The following AOPEP variants were observed in gnomAD, a reference collection of about 807,000 sequenced individuals.
The protein encoded by AOPEP is aminopeptidase O.
A neutral mutation model predicts 98.1 loss-of-function variants in AOPEP; 77 were observed. The ratio of observed to expected loss-of-function variants is 0.78; its 90% CI spans 0.65 to 0.95. The LOEUF (loss-of-function observed/expected upper bound fraction) is 0.95, where lower values mean the gene tolerates loss of function less well. AOPEP is among the 40% of genes least tolerant of loss of function. The probability of loss-of-function intolerance (pLI) is 0.00; values close to 1 mark genes in which losing one functional copy is unlikely to be tolerated. For synonymous variants in AOPEP, 346 were observed against 365.3 expected, an observed-to-expected ratio of 0.95 and a Z score of 0.60; for missense variants, 1,024 against 1,024.7, an observed-to-expected ratio of 1.00 and a Z score of 0.01.
At chr9:94,772,563 A>T (rs1841128631) in intron 2 of AOPEP, among the ~76,000 whole-genome samples, 1 of 152,064 alleles carries the variant, frequency 6.6e-6, no homozygotes, top group Admixed American at 6.6e-5. Flanking sequence ...TGGATTTGAG[A>T]CCACCAGCTT....
chr9:94,762,765 C>T (rs1303850721), intron 2 of AOPEP, among the ~76,000 whole-genome samples: 1 of 152,152 alleles, frequency 6.6e-6, no homozygotes, highest in South Asian at 2.1e-4. Context: ...TCTCTCAACT[C>T]TCCCTTGCGC....
At position 94,764,416 on chromosome 9, in the gene AOPEP, G is replaced by A. The variant is rs143450686; in HGVS notation, c.797+3836G>A. ...AATCCTAGCACTTTGGGAGGCCGAG[G>A]TGGGCAGATCACTTGAGGCCAGGAG... On this transcript the variant is annotated intron_variant, in intron 2 of 16. Coordinates refer to ENST00000375315, the MANE Select transcript of AOPEP (RefSeq NM_001193329.3). Among the ~76,000 whole-genome samples the A allele has an allele frequency of 7.4e-3, 1,123 of 152,330 alleles. 14 individuals are homozygous for A. The highest frequency in any genetic ancestry group is 0.026 in the African/African-American group (1,083 of 41,562).
At chr9:95,043,277 T>TATGTACAGATACATCTGTATATGCAC (rs2065522341) in intron 13 of AOPEP, among the ~76,000 whole-genome samples, 3 of 150,722 alleles carry the variant, frequency 2.0e-5, no homozygotes, top group African/African-American at 4.8e-5. Context: ...TATCTGTATA[T>TATGTACAGATACATCTGTATATGCAC]ATGTACAGAT....
rs1432471376 is a variant in AOPEP at position 94,963,471 on chromosome 9, T to C, written c.1873-4287T>C. ...ATTGGCATATAGATTATTAGGACAGTAGGAAATGAAAAAAAAATTCTAAAG... is the reference window on the plus strand; with the variant it reads ...ATTGGCATATAGATTATTAGGACAGCAGGAAATGAAAAAAAAATTCTAAAG... On this transcript the variant is annotated intron_variant, in intron 9 of 16. Coordinates refer to ENST00000375315, the MANE Select transcript of AOPEP (RefSeq NM_001193329.3). Among the ~76,000 whole-genome samples the C allele has an allele frequency of 2.6e-5, 4 of 152,126 alleles. No homozygotes were observed. The South Asian group carries it at 8.3e-4, about 32-fold the overall frequency.
intron 5 of AOPEP, among the ~76,000 whole-genome samples, chr9:94,922,800 T>C (rs938650252): frequency 6.6e-6 from 1 of 152,228 alleles, no homozygotes; most frequent in Non-Finnish European, 1.5e-5. Flanking sequence ...TGCCCTGTTA[T>C]TACTTCACAT....
In AOPEP at chr9:94,743,211, GGAAGAAGAGGAAGAAGAAGAGGAA is replaced by G. The variant is rs546486407; in HGVS notation, c.-135-16420_-135-16397del. ...AAGAAGAAGAAGAAGAGGAAGAAGA[GGAAGAAGAGGAAGAAGAAGAGGAA>G]GAAGAAGAGGAAGAAGAGGAAGAAG... On this transcript the variant is annotated intron_variant, in intron 1 of 16. Coordinates refer to ENST00000375315, the MANE Select transcript of AOPEP (RefSeq NM_001193329.3). Among the ~76,000 whole-genome samples, 5 of 146,398 alleles carry G rather than the reference GGAAGAAGAGGAAGAAGAAGAGGAA, an allele frequency of 3.4e-5. No homozygotes were observed. In the East Asian group the frequency reaches 8.4e-4, roughly 24 times the overall value.
chr9:95,122,879 C>T, the AOPEP span, among the ~76,000 whole-genome samples: 17 of 152,220 alleles, frequency 1.1e-4, no homozygotes, highest in East Asian at 3.9e-4. Flanking sequence ...TCAAAATAAC[C>T]GTGAGGGCCA....
chr9:94,964,756 C>T (rs931077743), intron 9 of AOPEP, among the ~76,000 whole-genome samples: 1 of 151,444 alleles, frequency 6.6e-6, no homozygotes, highest in Non-Finnish European at 1.5e-5. Flanking sequence ...TCTCCTGCCT[C>T]AGCCTCCCAA....
intron 1 of AOPEP, among the ~76,000 whole-genome samples, chr9:94,733,210 G>C (rs572347430): frequency 1.0e-4 from 15 of 150,006 alleles, no homozygotes; most frequent in Non-Finnish European, 1.9e-4. Context: ...AGGCTCAAGC[G>C]ATCCTCCTGC....
chr9:95,128,700 T>C, the AOPEP span, among the ~76,000 whole-genome samples: 1 of 152,236 alleles, frequency 6.6e-6, no homozygotes, highest in Non-Finnish European at 1.5e-5. Context: ...ATGTTTTAAA[T>C]GCCTGCTGGC....
intron 5 of AOPEP, among the ~76,000 whole-genome samples, chr9:94,894,511 G>T (rs192937090): frequency 1.3e-5 from 2 of 152,084 alleles, no homozygotes; most frequent in African/African-American, 2.4e-5. Flanking sequence ...AATTGATACC[G>T]AATGAATTAT....
At chr9:94,789,563 T>C (rs1845189994) in intron 3 of AOPEP, among the ~76,000 whole-genome samples, 1 of 152,212 alleles carries the variant, frequency 6.6e-6, no homozygotes, top group Non-Finnish European at 1.5e-5. Flanking sequence ...CAGCTCTCAT[T>C]ATGTTTCCAG....
intron 5 of AOPEP, among the ~76,000 whole-genome samples, chr9:94,862,424 C>G (rs906109034): frequency 2.6e-5 from 4 of 152,230 alleles, no homozygotes; most frequent in African/African-American, 9.6e-5. Flanking sequence ...GACTCTTTTT[C>G]AAGGCTGAGA....
intron 13 of AOPEP, among the ~76,000 whole-genome samples, chr9:95,016,140 T>A (rs541784924): frequency 6.6e-6 from 1 of 152,046 alleles, no homozygotes; most frequent in Non-Finnish European, 1.5e-5. Flanking sequence ...TTTTTTTTTT[T>A]TTCCCCCCAC....
intron 14 of AOPEP, among the ~76,000 whole-genome samples, chr9:95,074,740 G>C (rs7042293): frequency 0.68 from 104,046 of 152,096 alleles, 35,889 homozygotes; most frequent in Non-Finnish European, 0.73. Flanking sequence ...CTTCTTGCGA[G>C]AGCTGTGCTG....
chr9:94,986,707 G>T (rs1471747269), intron 11 of AOPEP, among the ~76,000 whole-genome samples: 1 of 151,958 alleles, frequency 6.6e-6, no homozygotes, highest in Non-Finnish European at 1.5e-5. Flanking sequence ...TGTAACATTG[G>T]GGCATCTGAT....
rs1386372373 is a variant in AOPEP at position 94,826,160 on chromosome 9, C to A, written c.1364+25158C>A. ...AGCGGGCAGGGCACCAGAACATGCC[C>A]TCCTTGTTCTCCGAAGACATGAGCC... On this transcript the variant is annotated intron_variant, in intron 5 of 16. Coordinates refer to ENST00000375315, the MANE Select transcript of AOPEP (RefSeq NM_001193329.3). 2.0e-5 allele frequency among the ~76,000 whole-genome samples: 3 copies of A among 152,230 alleles called. No homozygotes were observed. The East Asian group carries it at 5.8e-4, about 29-fold the overall frequency.
the AOPEP span, chr9:95,114,235 A>G: frequency 3.1e-6 from 1 of 321,220 alleles, no homozygotes. Context: ...CTAGAGAGGT[A>G]GAGGGAAGAC....
At chr9:95,038,157 T>C (rs2064992790) in intron 13 of AOPEP, among the ~76,000 whole-genome samples, 1 of 152,190 alleles carries the variant, frequency 6.6e-6, no homozygotes, top group South Asian at 2.1e-4. Flanking sequence ...AATGGGCTTT[T>C]AAGCAAGGTG....
Sources: gnomAD v4.1 joint callset for allele counts (sites outside exome capture counted in the v4.1 genomes callset) on GRCh38, gnomAD v4.1.1 for gene constraint, MANE v1.5 for transcripts, NCBI Gene and HGNC (gene_info 2026-07-23, HGNC 2026-07-21) for gene names.